Variants in GRM4 observed in about 807,000 individuals in gnomAD.
The protein encoded by GRM4 is metabotropic glutamate receptor 4.
Under a neutral mutation model 81.7 loss-of-function variants are expected in GRM4, and 28 were observed. That is an observed-to-expected ratio of 0.34 (90% CI 0.25 to 0.47). The LOEUF (loss-of-function observed/expected upper bound fraction) is 0.47. GRM4 is among the 20% of genes least tolerant of loss of function. The pLI, the probability that GRM4 is intolerant of heterozygous loss-of-function variation, is 1.00. For synonymous variants in GRM4, 488 were observed against 528.8 expected, an observed-to-expected ratio of 0.92 and a Z score of 1.06; for missense variants, 948 against 1,290.0, an observed-to-expected ratio of 0.73 and a Z score of 4.06.
rs1221496341 is a variant in GRM4 at position 34,028,292 on chromosome 6, C to A, written c.2517G>T (p.Met839Ile). 6.2e-7 allele frequency: 1 copy of A among 1,613,672 alleles called. No individual in the cohort carries two copies. The highest frequency in any genetic ancestry group is 1.7e-5 in the Admixed American group (1 of 60,030). The change falls in exon 10 of 11, where the codon ATG becomes ATT. Residue 839 changes from methionine (M) to isoleucine (I), a missense_variant. Transcript: ENST00000538487. ...GGAAGAGGATGATGTAGACTTTGGG[C>A]ATGTAGAGCATTCCCAGGGACACCG... ...SASVSLGMLY[M>I]PKVYIILFHP...
intron 6 of GRM4, among the ~76,000 whole-genome samples, chr6:34,046,820 G>C (rs896575868): frequency 3.9e-5 from 6 of 152,226 alleles, no homozygotes; most frequent in African/African-American, 1.4e-4. Flanking sequence ...GTCTCCCAGA[G>C]CTGTGGGAAG....
chr6:34,146,008 C>T lies in GRM4; in HGVS notation c.-372G>A. On this transcript the variant is annotated 5_prime_UTR_variant, in exon 1 of 11. The change abolishes an upstream ATG in the 5' untranslated region. Transcript: ENST00000538487. ...CGTGCCAGCTCACCTACCCCGAGGA[C>T]ATGGCGGGGACCCCTTCTCACCCCA... 1 of 985,416 alleles carries T rather than the reference C, an allele frequency of 1.0e-6. No individual in the cohort carries two copies. The highest frequency in any genetic ancestry group is 1.2e-6 in the Non-Finnish European group (1 of 830,000). 61.0% of individuals were successfully genotyped at this position (985,416 alleles called of 1,614,324 possible).
chr6:34,094,544 T>G (rs887888151), intron 2 of GRM4, among the ~76,000 whole-genome samples: 26 of 152,330 alleles, frequency 1.7e-4, no homozygotes, highest in Admixed American at 1.6e-3. Flanking sequence ...GAGTCATGGC[T>G]GGTTTGTTTT....
intron 2 of GRM4, among the ~76,000 whole-genome samples, chr6:34,108,287 A>G (rs2127497781): frequency 6.6e-6 from 1 of 152,368 alleles, no homozygotes; most frequent in East Asian, 1.9e-4. Flanking sequence ...CGCTATAATA[A>G]GAGTTAACAG....
At chr6:34,143,633 AGAGCCT>A (rs1770795826) in intron 1 of GRM4, among the ~76,000 whole-genome samples, 1 of 152,226 alleles carries the variant, frequency 6.6e-6, no homozygotes, top group African/African-American at 2.4e-5. Context: ...ATGCAGAACC[AGAGCCT>A]GAGGTTCAGC....
At chr6:34,093,481 G>A (rs138517844) in intron 2 of GRM4, among the ~76,000 whole-genome samples, 238 of 152,340 alleles carry the variant, frequency 1.6e-3, no homozygotes, top group African/African-American at 5.6e-3. Context: ...CTTCTAGTGG[G>A]AGGAGAGGAG....
intron 1 of GRM4, among the ~76,000 whole-genome samples, chr6:34,143,751 C>T (rs903549432): frequency 2.6e-5 from 4 of 152,204 alleles, no homozygotes; most frequent in Non-Finnish European, 5.9e-5. Context: ...CATTGGCTGG[C>T]CCCGGGGCGG....
chr6:34,062,036 AG>A lies in GRM4; in HGVS notation c.737-9del. 6.2e-7 allele frequency: 1 copy of A among 1,603,670 alleles called. No homozygotes were observed. The highest frequency in any genetic ancestry group is 8.5e-7 in the Non-Finnish European group (1 of 1,172,278). Reference sequence around the variant, plus strand: ...GGGCGATGCACACGCCCCCTGCAGGAGGGGCACCAGTTAGTTGGGGTGGGCA... The same window carrying A: ...GGGCGATGCACACGCCCCCTGCAGGAGGGCACCAGTTAGTTGGGGTGGGCA... On this transcript the variant is annotated splice_polypyrimidine_tract_variant and intron_variant, in intron 3 of 10. Coordinates refer to ENST00000538487, the MANE Select transcript of GRM4 (RefSeq NM_000841.4).
In GRM4 at chr6:34,124,266, C is replaced by T. The variant is rs149318092; in HGVS notation, c.519+8712G>A. Among the ~76,000 whole-genome samples, 10 of 152,292 alleles carry T rather than the reference C, an allele frequency of 6.6e-5. No homozygotes were observed. In the East Asian group the frequency reaches 1.9e-3, roughly 29 times the overall value. On this transcript the variant is annotated intron_variant, in intron 2 of 10. Transcript: ENST00000538487. ...CCGGGGTCTCTGCACGTGTTACTGC[C>T]TCTGCCTAGAACACTCTTACAGCCA...
intron 3 of GRM4, chr6:34,062,946 G>C (rs1766261039): frequency 6.6e-6 from 1 of 152,228 alleles, no homozygotes; most frequent in African/African-American, 2.4e-5. Flanking sequence ...TCAGAGAAGA[G>C]AAGTGGCTTA....
upstream of GRM4, among the ~76,000 whole-genome samples, chr6:34,146,796 G>A (rs747196922): frequency 3.9e-5 from 6 of 152,168 alleles, no homozygotes; most frequent in Admixed American, 2.0e-4. Context: ...GGCAGGACTC[G>A]GCCAACCCTA....
chr6:34,123,949 G>C (rs1159861212), intron 2 of GRM4, among the ~76,000 whole-genome samples: 1 of 152,206 alleles, frequency 6.6e-6, no homozygotes, highest in Non-Finnish European at 1.5e-5. Flanking sequence ...AAGAGGCCCA[G>C]GAAGGCCCGA....
chr6:34,133,365 G>A lies in GRM4; in HGVS notation c.132C>T (p.Arg44=). Residue 44 remains arginine, a synonymous_variant, in exon 2 of 11, where the codon CGC becomes CGT. Transcript: ENST00000538487. This position sits in a 1 kb window ranked among gnomAD's most constrained non-coding sequence, Gnocchi z 6.5. ...CTCCCAGTGTGATGTCCCCATCTAT[G>A]CGGATGGAATTCATGTGAGGGTGGC... ...PKGHPHMNSI[R]IDGDITLGGL... The A allele has an allele frequency of 6.2e-7, 1 of 1,614,042 alleles. No homozygotes were observed. Among genetic ancestry groups the A allele is most frequent in the Non-Finnish European group, 8.5e-7 (1 of 1,180,006 alleles).
At chr6:34,044,550 A>G in intron 6 of GRM4, among the ~76,000 whole-genome samples, 2 of 142,508 alleles carry the variant, frequency 1.4e-5, no homozygotes, top group African/African-American at 5.7e-5. Context: ...AGACACACAC[A>G]CAAACACACA....
At chr6:34,150,399 G>A (rs1771021747), upstream of GRM4, among the ~76,000 whole-genome samples, 1 of 151,760 alleles carries the variant, frequency 6.6e-6, no homozygotes, top group Non-Finnish European at 1.5e-5. Context: ...GTGCAGGACA[G>A]AGAGTTAGAG....
chr6:34,087,601 C>A (rs1767967155), intron 3 of GRM4, among the ~76,000 whole-genome samples: 3 of 151,702 alleles, frequency 2.0e-5, no homozygotes, highest in Non-Finnish European at 2.9e-5. Context: ...GGAAGGGCAG[C>A]CTCCTTGCCT....
intron 1 of GRM4, among the ~76,000 whole-genome samples, chr6:34,145,244 G>A (rs961775912): frequency 4.6e-5 from 7 of 151,600 alleles, no homozygotes; most frequent in African/African-American, 1.7e-4. Context: ...GCGCGCCGCG[G>A]AGCCGCCCGG....
intron 8 of GRM4, among the ~76,000 whole-genome samples, chr6:34,039,070 C>G (rs1764865263): frequency 6.6e-6 from 1 of 152,174 alleles, no homozygotes; most frequent in African/African-American, 2.4e-5. Flanking sequence ...TTGGTGTTAT[C>G]CCACTTTGCC....
At chr6:34,137,709 G>A (rs1021798172) in intron 1 of GRM4, among the ~76,000 whole-genome samples, 3 of 149,978 alleles carry the variant, frequency 2.0e-5, no homozygotes, top group African/African-American at 7.4e-5. Context: ...TCAGCCTCCT[G>A]AACAGCTGGG....
Sources: allele counts gnomAD v4.1 joint callset (sites outside exome capture counted in the v4.1 genomes callset), GRCh38; gene constraint gnomAD v4.1.1; non-coding constraint Gnocchi (gnomAD v3.1); transcripts MANE v1.5; gene names NCBI Gene and HGNC (gene_info 2026-07-23, HGNC 2026-07-21).